Variants in PTPRK observed in about 807,000 individuals in gnomAD.
The protein encoded by PTPRK is protein tyrosine phosphatase receptor type K.
A neutral mutation model predicts 178.0 loss-of-function variants in PTPRK; 75 were observed. The ratio of observed to expected loss-of-function variants is 0.42; its 90% CI spans 0.35 to 0.51. The LOEUF is 0.51. Ranked by LOEUF, PTPRK falls within the 20% of genes least tolerant of loss-of-function variation. The pLI is 0.02. For missense variants in PTPRK, 1,441 were observed against 1,797.8 expected (o/e 0.80, Z 3.59); for synonymous variants, 637 against 620.6 (o/e 1.03, Z -0.39).
Position 128,289,858 on chromosome 6 carries a change from ATTAAT to A in PTPRK, c.495+32176_495+32180del, listed in dbSNP as rs1344770541. On this transcript the variant is annotated intron_variant, in intron 3 of 29. Coordinates refer to ENST00000368226, the MANE Select transcript of PTPRK (RefSeq NM_002844.4). ...TTTCAAGGATGTGTCAAACAATATT[ATTAAT>A]TTAACACTTTGTTTTTCATGCCTTA... Among the ~76,000 whole-genome samples, 4 of 152,264 alleles carry A rather than the reference ATTAAT, an allele frequency of 2.6e-5. No individual in the cohort carries two copies. In the South Asian group the frequency reaches 8.3e-4, roughly 32 times the overall value.
intron 8 of PTPRK, chr6:128,085,169 A>C (rs573838706): frequency 8.5e-5 from 13 of 152,216 alleles, no homozygotes; most frequent in Non-Finnish European, 1.8e-4. Flanking sequence ...AAAATATGCC[A>C]GCACTAAACT....
chr6:128,519,044 G>A lies in PTPRK; in HGVS notation c.100+1215C>T, dbSNP rs1393292252. On this transcript the variant is annotated intron_variant, in intron 1 of 29. Transcript: ENST00000368226. This position sits in a 1 kb window ranked among gnomAD's most constrained non-coding sequence, Gnocchi z 4.3. ...TGCGGCTTCAGCCAGGAGCGTGGCTGTCGCTTTTCCCGTCTTCTCCATCAC... is the reference window on the plus strand; with the variant it reads ...TGCGGCTTCAGCCAGGAGCGTGGCTATCGCTTTTCCCGTCTTCTCCATCAC... The A allele has an allele frequency of 1.9e-6, 1 of 531,634 alleles. No individual in the cohort carries two copies. Among genetic ancestry groups the A allele is most frequent in the Non-Finnish European group, 3.9e-6 (1 of 259,378 alleles). 32.9% of individuals were successfully genotyped at this position (531,634 alleles called of 1,614,324 possible).
intron 3 of PTPRK, among the ~76,000 whole-genome samples, chr6:128,270,162 GT>G (rs2128297073): frequency 6.6e-6 from 1 of 152,150 alleles, no homozygotes; most frequent in Non-Finnish European, 1.5e-5. Context: ...TTTTGGTAGA[GT>G]TTTTGACATC....
At chr6:128,245,300 T>G (rs1815257995) in intron 3 of PTPRK, among the ~76,000 whole-genome samples, 1 of 152,182 alleles carries the variant, frequency 6.6e-6, no homozygotes, top group Non-Finnish European at 1.5e-5. Flanking sequence ...TTAAGTAGAC[T>G]TTAGAGTTTA....
At chr6:128,447,911 C>T (rs1225589874) in intron 1 of PTPRK, among the ~76,000 whole-genome samples, 2 of 152,096 alleles carry the variant, frequency 1.3e-5, no homozygotes, top group African/African-American at 2.4e-5. Flanking sequence ...TGTGAGCCAC[C>T]GCGCCCGGCC....
chr6:128,338,638 C>T (rs1405415119), intron 2 of PTPRK, among the ~76,000 whole-genome samples: 1 of 147,822 alleles, frequency 6.8e-6, no homozygotes, highest in African/African-American at 2.5e-5. Flanking sequence ...AGGCTAGGTC[C>T]TGTGCTTTGC....
At chr6:128,048,400 G>C (rs1173340844) in intron 13 of PTPRK, among the ~76,000 whole-genome samples, 1 of 152,092 alleles carries the variant, frequency 6.6e-6, no homozygotes, top group African/African-American at 2.4e-5. Context: ...AGCAGATAAG[G>C]AAAAATTCTC....
At chr6:128,386,536 T>C (rs1242365158) in intron 2 of PTPRK, among the ~76,000 whole-genome samples, 3 of 152,180 alleles carry the variant, frequency 2.0e-5, no homozygotes, top group Non-Finnish European at 4.4e-5. Context: ...ATACTCCTAA[T>C]GGAGATGGTT....
chr6:128,017,107 A>G (rs903968618), intron 13 of PTPRK, among the ~76,000 whole-genome samples: 3 of 151,922 alleles, frequency 2.0e-5, no homozygotes, highest in African/African-American at 7.2e-5. Context: ...TAGCTAATAA[A>G]TTATCTCTTC....
chr6:128,033,251 A>G (rs1014507746), intron 13 of PTPRK, among the ~76,000 whole-genome samples: 4 of 152,182 alleles, frequency 2.6e-5, no homozygotes, highest in African/African-American at 9.7e-5. Context: ...TTAATTTGAC[A>G]GTGGATTTTA....
intron 1 of PTPRK, among the ~76,000 whole-genome samples, chr6:128,454,381 T>C (rs1365655093): frequency 6.6e-6 from 1 of 152,236 alleles, no homozygotes; most frequent in Non-Finnish European, 1.5e-5. Flanking sequence ...TAGCAAAGAT[T>C]TGTGATGTAA....
intron 1 of PTPRK, among the ~76,000 whole-genome samples, chr6:128,419,698 A>C (rs1008349775): frequency 6.6e-6 from 1 of 152,102 alleles, no homozygotes; most frequent in Admixed American, 6.5e-5. Flanking sequence ...TTAAAACTTA[A>C]ATTTCCAATA....
At chr6:128,118,799 T>C (rs923245064) in intron 7 of PTPRK, among the ~76,000 whole-genome samples, 10 of 152,222 alleles carry the variant, frequency 6.6e-5, no homozygotes, top group Non-Finnish European at 1.3e-4. Context: ...TTCTATGGTT[T>C]TAATCTGAGA....
intron 6 of PTPRK, among the ~76,000 whole-genome samples, chr6:128,192,628 T>C (rs1447384862): frequency 2.0e-5 from 3 of 152,008 alleles, no homozygotes; most frequent in African/African-American, 7.2e-5. Flanking sequence ...GAGACCAGCC[T>C]GCGCAACATG....
chr6:128,276,019 A>G (rs1326029061), intron 3 of PTPRK, among the ~76,000 whole-genome samples: 1 of 152,038 alleles, frequency 6.6e-6, no homozygotes, highest in Non-Finnish European at 1.5e-5. Context: ...TGATATATGT[A>G]AACTTTAAAA....
chr6:128,126,429 T>A (rs1293573195), intron 7 of PTPRK, among the ~76,000 whole-genome samples: 1 of 152,196 alleles, frequency 6.6e-6, no homozygotes, highest in East Asian at 1.9e-4. Flanking sequence ...TTTTGGTGAT[T>A]TTATATAAAG....
chr6:128,408,140 C>A (rs1310492260), intron 1 of PTPRK, among the ~76,000 whole-genome samples: 3 of 152,198 alleles, frequency 2.0e-5, no homozygotes, highest in Non-Finnish European at 4.4e-5. Flanking sequence ...GTAATCCCAG[C>A]ACTTTGAGAG....
intron 27 of PTPRK, among the ~76,000 whole-genome samples, chr6:127,974,801 T>A (rs113339751): frequency 0.015 from 2,285 of 152,306 alleles, 58 homozygotes; most frequent in African/African-American, 0.051. Flanking sequence ...TAAAGATTCC[T>A]TAAGTACACG....
chr6:128,062,153 C>T (rs1385114395), intron 13 of PTPRK: 1 of 154,320 alleles, frequency 6.5e-6, no homozygotes, highest in Non-Finnish European at 1.5e-5. Context: ...TGTAGTCAGG[C>T]AATAAGTTGA....
Sources: allele counts gnomAD v4.1 joint callset (sites outside exome capture counted in the v4.1 genomes callset), GRCh38; gene constraint gnomAD v4.1.1; non-coding constraint Gnocchi (gnomAD v3.1); transcripts MANE v1.5; gene names NCBI Gene and HGNC (gene_info 2026-07-23, HGNC 2026-07-21).